Variants in PDE4D observed in about 807,000 individuals in gnomAD.
PDE4D encodes 3',5'-cyclic-AMP phosphodiesterase 4D.
PDE4D carries 24 observed loss-of-function variants against 87.4 expected under a neutral mutation model. That is an observed-to-expected ratio of 0.27 (90% CI 0.20 to 0.39). PDE4D has a LOEUF of 0.39. PDE4D is among the 10% of genes least tolerant of loss of function. The pLI is 1.00. For missense variants in PDE4D, 714 were observed against 1,041.0 expected, an observed-to-expected ratio of 0.69 and a Z score of 4.32; for synonymous variants, 384 against 383.2, an observed-to-expected ratio of 1.00 and a Z score of -0.02.
intron 3 of PDE4D, among the ~76,000 whole-genome samples, chr5:59,967,162 G>A (rs948413484): frequency 1.3e-5 from 2 of 152,022 alleles, no homozygotes; most frequent in African/African-American, 4.8e-5. Flanking sequence ...GTCACTCTCA[G>A]ATAATTATTG....
chr5:59,339,159 C>A (rs969008979), intron 1 of PDE4D, among the ~76,000 whole-genome samples: 1 of 152,204 alleles, frequency 6.6e-6, no homozygotes. Flanking sequence ...TTCTTTGACT[C>A]CCTTTGGATC....
intron 1 of PDE4D, among the ~76,000 whole-genome samples, chr5:60,402,533 A>G (rs1741183037): frequency 6.6e-6 from 1 of 152,230 alleles, no homozygotes; most frequent in Admixed American, 6.5e-5. Context: ...TCTATGGGCT[A>G]GGCCAGTTGC....
chr5:60,005,824 C>A (rs1268209297), intron 2 of PDE4D, among the ~76,000 whole-genome samples: 1 of 39,986 alleles, frequency 2.5e-5, no homozygotes, highest in Non-Finnish European at 4.8e-5. Context: ...GATGTATGAC[C>A]CAGTTTTTTT....
chr5:59,569,539 TTTGTCCATCCTTAC>T (rs1821480854), intron 1 of PDE4D, among the ~76,000 whole-genome samples: 2 of 152,174 alleles, frequency 1.3e-5, no homozygotes, highest in African/African-American at 4.8e-5. Flanking sequence ...ACAACGCATG[TTTGTCCATCCTTAC>T]TTCGCCACCT....
intron 2 of PDE4D, among the ~76,000 whole-genome samples, chr5:60,115,811 T>C (rs1778123526): frequency 1.3e-5 from 2 of 152,126 alleles, no homozygotes; most frequent in South Asian, 4.1e-4. Flanking sequence ...TCAGTGCTTT[T>C]AAAAAAGAAT....
At chr5:60,284,645 T>A (rs1752248178) in intron 1 of PDE4D, among the ~76,000 whole-genome samples, 1 of 152,152 alleles carries the variant, frequency 6.6e-6, no homozygotes, top group African/African-American at 2.4e-5. Context: ...AGCCTCCCCA[T>A]CACTATTAGA....
rs955572816 is a variant in PDE4D at position 59,106,149 on chromosome 5, T to C, written c.809-67178A>G. On this transcript the variant is annotated intron_variant, in intron 5 of 14. Transcript: ENST00000340635. ...CCCAGAAAAATACAGATAATGTACATGCACATACTGCACACACAATTCTTT... is the reference window on the plus strand; with the variant it reads ...CCCAGAAAAATACAGATAATGTACACGCACATACTGCACACACAATTCTTT... 5.3e-5 allele frequency among the ~76,000 whole-genome samples: 8 copies of C among 152,216 alleles called. No homozygotes were observed. The South Asian group carries it at 1.7e-3, about 32-fold the overall frequency.
intron 1 of PDE4D, among the ~76,000 whole-genome samples, chr5:59,583,877 C>A (rs1438960690): frequency 6.6e-6 from 1 of 152,234 alleles, no homozygotes; most frequent in South Asian, 2.1e-4. Flanking sequence ...AGGACCAGCA[C>A]ATGCCAAGTC....
intron 1 of PDE4D, among the ~76,000 whole-genome samples, chr5:60,408,002 C>T (rs375827417): frequency 6.6e-6 from 1 of 152,212 alleles, no homozygotes; most frequent in Admixed American, 6.5e-5. Flanking sequence ...AACTCGTATG[C>T]TTGGAGTCCT....
At chr5:59,745,179 A>G (rs1240363366) in intron 1 of PDE4D, among the ~76,000 whole-genome samples, 1 of 152,124 alleles carries the variant, frequency 6.6e-6, no homozygotes, top group Non-Finnish European at 1.5e-5. Flanking sequence ...ATGCCTACAT[A>G]TCTAGCATGC....
intron 5 of PDE4D, among the ~76,000 whole-genome samples, chr5:59,085,581 A>G (rs1767523495): frequency 6.6e-6 from 1 of 152,230 alleles, no homozygotes; most frequent in South Asian, 2.1e-4. Flanking sequence ...AAAAGTGGAC[A>G]CTATAAATTA....
At chr5:59,019,520 A>T (rs1486113103) in intron 6 of PDE4D, among the ~76,000 whole-genome samples, 3 of 152,144 alleles carry the variant, frequency 2.0e-5, no homozygotes, top group Admixed American at 2.0e-4. Context: ...CTGGTCCTAT[A>T]ATCACATCCT....
At chr5:59,330,836 T>C (rs1274606927) in intron 1 of PDE4D, among the ~76,000 whole-genome samples, 2 of 152,210 alleles carry the variant, frequency 1.3e-5, no homozygotes, top group Non-Finnish European at 2.9e-5. Flanking sequence ...CTGTTTATGT[T>C]GCCATGGCTT....
chr5:59,651,048 G>T (rs994173925), intron 1 of PDE4D, among the ~76,000 whole-genome samples: 1 of 151,982 alleles, frequency 6.6e-6, no homozygotes, highest in African/African-American at 2.4e-5. Flanking sequence ...GAGGTCAGGA[G>T]ATCGAGACCA....
intron 1 of PDE4D, among the ~76,000 whole-genome samples, chr5:59,838,188 C>A (rs1314670879): frequency 6.6e-6 from 1 of 151,972 alleles, no homozygotes; most frequent in African/African-American, 2.4e-5. Flanking sequence ...GAGTGCAGAG[C>A]CCCACCTGCT....
At chr5:60,085,493 T>C (rs554976802) in intron 2 of PDE4D, among the ~76,000 whole-genome samples, 5 of 152,122 alleles carry the variant, frequency 3.3e-5, no homozygotes, top group South Asian at 2.1e-4. Flanking sequence ...TCCAAGCAAA[T>C]AGCCAAGCAG....
In PDE4D at chr5:59,432,096, G is replaced by C. The variant is rs188020448; in HGVS notation, c.456-216128C>G. On this transcript the variant is annotated intron_variant, in intron 1 of 14. Transcript: ENST00000340635. ...GACACAGAAATGTGAAGATAAAAAA[G>C]ATTGCTGTCTTTTCCCTTCCTTGGT... Among the ~76,000 whole-genome samples, 60 of 152,058 alleles carry C rather than the reference G, an allele frequency of 3.9e-4. 1 individual carries two copies. Among genetic ancestry groups the C allele is most frequent in the African/African-American group, 1.4e-3 (60 of 41,492 alleles).
chr5:60,362,616 G>T (rs895266854), intron 1 of PDE4D, among the ~76,000 whole-genome samples: 4 of 152,122 alleles, frequency 2.6e-5, no homozygotes, highest in African/African-American at 4.8e-5. Context: ...CCAGCACTTT[G>T]GGAGACTGAG....
At chr5:59,990,981 T>A (rs1181765215) in intron 2 of PDE4D, among the ~76,000 whole-genome samples, 2 of 152,202 alleles carry the variant, frequency 1.3e-5, no homozygotes, top group Non-Finnish European at 2.9e-5. Context: ...GCCACCATGC[T>A]GCACTACCTT....
Sources: gnomAD v4.1 joint callset for allele counts (sites outside exome capture counted in the v4.1 genomes callset) on GRCh38, gnomAD v4.1.1 for gene constraint, MANE v1.5 for transcripts, NCBI Gene and HGNC (gene_info 2026-07-23, HGNC 2026-07-21) for gene names.